The following DIS3L2 variants were observed in gnomAD, a reference collection of about 807,000 sequenced individuals.
The protein encoded by DIS3L2 is DIS3 like 3'-5' exoribonuclease 2, also known as DIS3-like exonuclease 2.
Under a neutral mutation model 97.5 loss-of-function variants are expected in DIS3L2, and 34 were observed. The ratio of observed to expected loss-of-function variants is 0.35; its 90% CI spans 0.27 to 0.46. The LOEUF is 0.46. Among genes scored for constraint, DIS3L2 ranks in the 20% least tolerant of loss-of-function variants. The pLI is 1.00. For missense variants in DIS3L2, 1,038 were observed against 1,146.0 expected, an observed-to-expected ratio of 0.91 and a Z score of 1.36; for synonymous variants, 435 against 445.2, an observed-to-expected ratio of 0.98 and a Z score of 0.29.
chr2:232,086,359 G>GTGTATA (rs59054040), intron 5 of DIS3L2, among the ~76,000 whole-genome samples: 3,427 of 138,180 alleles, frequency 0.025, 60 homozygotes, highest in South Asian at 0.067. Context: ...GTATATATAT[G>GTGTATA]TGTATATGTA....
At chr2:232,188,535 T>C (rs1024052028) in intron 9 of DIS3L2, among the ~76,000 whole-genome samples, 1 of 152,210 alleles carries the variant, frequency 6.6e-6, no homozygotes, top group East Asian at 1.9e-4. Flanking sequence ...GGCAAATAAA[T>C]GAACTTCGAT....
In DIS3L2 at chr2:232,037,061, G is replaced by A. The variant is rs543430926; in HGVS notation, c.366+6981G>A. On this transcript the variant is annotated intron_variant, in intron 5 of 20. Coordinates refer to ENST00000325385, the MANE Select transcript of DIS3L2 (RefSeq NM_152383.5). This position sits in a 1 kb window ranked among gnomAD's most constrained non-coding sequence, Gnocchi z 4.6. ...ATCTGTCCCTTAGCAGAGCTAGAGC[G>A]CTGTGCTGGGAGATCTGCTGCTCTC... Among the ~76,000 whole-genome samples, 3 of 152,246 alleles carry A rather than the reference G, an allele frequency of 2.0e-5. No individual in the cohort carries two copies. Among genetic ancestry groups the A allele is most frequent in the East Asian group, 1.9e-4 (1 of 5,194 alleles).
chr2:232,329,789 T>TGGGCC, intron 14 of DIS3L2, 24 bp from the exon 15 acceptor site: 6 of 368,616 alleles, frequency 1.6e-5, no homozygotes, highest in East Asian at 7.6e-5. Flanking sequence ...CAGCGGTCCC[T>TGGGCC]CCCATCCCAC....
In DIS3L2 at chr2:232,269,290, C is replaced by T. The variant is rs990226440; in HGVS notation, c.1659+5850C>T. On this transcript the variant is annotated intron_variant, in intron 13 of 20. Transcript: ENST00000325385. This position sits in a 1 kb window ranked among gnomAD's most constrained non-coding sequence, Gnocchi z 4.5. ...CAGTCGCTTTCAAGAAATGAGCATT[C>T]CAGCTCTGCTGTTTAATATTTGTAC... is the stretch of plus-strand genomic sequence containing the variant. 2.6e-5 allele frequency among the ~76,000 whole-genome samples: 4 copies of T among 152,144 alleles called. No individual in the cohort carries two copies. Among genetic ancestry groups the T allele is most frequent in the African/African-American group, 9.7e-5 (4 of 41,412 alleles).
chr2:232,046,575 T>C (rs1230470539), intron 5 of DIS3L2, among the ~76,000 whole-genome samples: 1 of 152,182 alleles, frequency 6.6e-6, no homozygotes, highest in Non-Finnish European at 1.5e-5. Context: ...TGTTGGGGCT[T>C]CAGAGGTTTC....
At chr2:231,965,021 C>G (rs946513004) in intron 1 of DIS3L2, among the ~76,000 whole-genome samples, 2 of 152,172 alleles carry the variant, frequency 1.3e-5, no homozygotes, top group African/African-American at 4.8e-5. Flanking sequence ...TTATTTAATG[C>G]TTTCAGGTCA....
At chr2:232,127,166 T>G (rs1457825090) in intron 6 of DIS3L2, among the ~76,000 whole-genome samples, 1 of 152,210 alleles carries the variant, frequency 6.6e-6, no homozygotes, top group East Asian at 1.9e-4. Flanking sequence ...ATAAACTGTT[T>G]GTAAAGCTAC....
intron 6 of DIS3L2, chr2:232,111,396 G>A (rs1697528551): frequency 5.7e-6 from 2 of 353,772 alleles, no homozygotes; most frequent in Non-Finnish European, 1.2e-5. Flanking sequence ...TATGTATACC[G>A]ATTTTCGTCT....
chr2:232,045,804 A>T (rs1695225358), intron 5 of DIS3L2, among the ~76,000 whole-genome samples: 1 of 150,800 alleles, frequency 6.6e-6, no homozygotes, highest in East Asian at 2.0e-4. Context: ...CCTCCTGAGT[A>T]GCTGGGATTA....
intron 8 of DIS3L2, among the ~76,000 whole-genome samples, chr2:232,158,681 A>G (rs1279565641): frequency 6.6e-6 from 1 of 152,052 alleles, no homozygotes; most frequent in African/African-American, 2.4e-5. Flanking sequence ...TTCTTTTCCA[A>G]ACAGCACTGG....
At chr2:232,195,921 T>C (rs1691740351) in intron 9 of DIS3L2, among the ~76,000 whole-genome samples, 1 of 152,134 alleles carries the variant, frequency 6.6e-6, no homozygotes, top group Non-Finnish European at 1.5e-5. Flanking sequence ...GGGAGTTTGT[T>C]TTGGGGAGAG....
At chr2:232,176,966 C>T (rs1691184582) in intron 9 of DIS3L2, among the ~76,000 whole-genome samples, 1 of 144,096 alleles carries the variant, frequency 6.9e-6, no homozygotes, top group Admixed American at 7.0e-5. Context: ...TCCCACCTCC[C>T]CACCACAGTC....
At chr2:232,158,309 G>A (rs201439451) in intron 8 of DIS3L2, among the ~76,000 whole-genome samples, 71,351 of 144,228 alleles carry the variant, frequency 0.49, 17,387 homozygotes, top group East Asian at 0.65. Flanking sequence ...TTTATATCGT[G>A]TGTGTGTGTG....
intron 5 of DIS3L2, among the ~76,000 whole-genome samples, chr2:232,066,275 T>C (rs1393252828): frequency 2.0e-5 from 3 of 152,026 alleles, no homozygotes; most frequent in Non-Finnish European, 2.9e-5. Context: ...AGGTTTTTCA[T>C]AGATGCCCTT....
chr2:232,227,618 A>G (rs1384127058), intron 10 of DIS3L2, among the ~76,000 whole-genome samples: 2 of 152,316 alleles, frequency 1.3e-5, no homozygotes, highest in South Asian at 2.1e-4. Flanking sequence ...AAATAAATTA[A>G]TAAGTGAAAC....
intron 12 of DIS3L2, among the ~76,000 whole-genome samples, chr2:232,261,407 G>C (rs1461557391): frequency 6.6e-6 from 1 of 152,170 alleles, no homozygotes; most frequent in Non-Finnish European, 1.5e-5. Context: ...TTTTGGAAGT[G>C]GTCATCCACA....
intron 5 of DIS3L2, among the ~76,000 whole-genome samples, chr2:232,085,788 G>A (rs1696560330): frequency 6.6e-6 from 1 of 151,974 alleles, no homozygotes; most frequent in South Asian, 2.1e-4. Context: ...TTAGTATCTG[G>A]ATTGGTTTTT....
intron 10 of DIS3L2, among the ~76,000 whole-genome samples, chr2:232,219,288 T>C (rs575604634): frequency 6.6e-6 from 1 of 152,238 alleles, no homozygotes; most frequent in African/African-American, 2.4e-5. Flanking sequence ...TGGATATCTC[T>C]ACTTCCTGAG....
chr2:232,272,764 C>CT (rs769885103), intron 13 of DIS3L2, among the ~76,000 whole-genome samples: 7 of 152,192 alleles, frequency 4.6e-5, no homozygotes, highest in Non-Finnish European at 4.4e-5. Flanking sequence ...ACCATGTCCT[C>CT]TATCAGACTG....
Sources: gnomAD v4.1 joint callset for allele counts (sites outside exome capture counted in the v4.1 genomes callset) on GRCh38, gnomAD v4.1.1 for gene constraint, Gnocchi (gnomAD v3.1) non-coding constraint, MANE v1.5 for transcripts, NCBI Gene and HGNC (gene_info 2026-07-23, HGNC 2026-07-21) for gene names.